The following SLC17A8 variants were observed in gnomAD, a reference collection of about 807,000 sequenced individuals.
The protein encoded by SLC17A8 is vesicular glutamate transporter 3.
In SLC17A8, 31 loss-of-function variants were observed where a neutral mutation model predicts 58.0. That is an observed-to-expected ratio of 0.53 (90% CI 0.40 to 0.72). The LOEUF (loss-of-function observed/expected upper bound fraction) is 0.72. SLC17A8 is among the 30% of genes least tolerant of loss of function. The pLI, the probability that SLC17A8 is intolerant of heterozygous loss-of-function variation, is 0.00. For synonymous variants in SLC17A8, 228 were observed against 249.0 expected, an observed-to-expected ratio of 0.92 and a Z score of 0.79; for missense variants, 655 against 727.8, an observed-to-expected ratio of 0.90 and a Z score of 1.15.
At chr12:100,381,804 A>G (rs1952639906) in intron 2 of SLC17A8, among the ~76,000 whole-genome samples, 1 of 152,212 alleles carries the variant, frequency 6.6e-6, no homozygotes, top group Non-Finnish European at 1.5e-5. Context: ...ATAGAAACAT[A>G]TGGGCTTCTT....
chr12:100,365,062 G>A (rs1221984669), intron 1 of SLC17A8, among the ~76,000 whole-genome samples: 2 of 152,188 alleles, frequency 1.3e-5, no homozygotes, highest in African/African-American at 4.8e-5. Context: ...TGGCCCCTCT[G>A]ACATGGGATT....
At chr12:100,416,773 A>G (rs1359536051) in intron 10 of SLC17A8, among the ~76,000 whole-genome samples, 1 of 152,222 alleles carries the variant, frequency 6.6e-6, no homozygotes, top group Non-Finnish European at 1.5e-5. Context: ...TTACACGTCT[A>G]TGCACCATGT....
chr12:100,401,704 ATATGAATTCTAAATG>A, intron 5 of SLC17A8, 58 bp from the exon 6 acceptor site: 1 of 1,209,300 alleles, frequency 8.3e-7, no homozygotes, highest in South Asian at 1.2e-5. Flanking sequence ...TGACTTTACC[ATATGAATTCTAAATG>A]AGCTGAAAAG....
At chr12:100,405,523 A>G (rs934634904) in intron 9 of SLC17A8, among the ~76,000 whole-genome samples, 3 of 152,084 alleles carry the variant, frequency 2.0e-5, no homozygotes, top group African/African-American at 7.2e-5. Context: ...AGAAGATGTG[A>G]TGGTGGAGGC....
At chr12:100,381,120 T>C (rs1470145415) in intron 2 of SLC17A8, among the ~76,000 whole-genome samples, 167 bp downstream of exon 2, 1 of 134,906 alleles carries the variant, frequency 7.4e-6, no homozygotes, top group Non-Finnish European at 1.5e-5. Context: ...CTCAGATAAG[T>C]AGCTCCTCCC....
intron 2 of SLC17A8, among the ~76,000 whole-genome samples, chr12:100,383,469 G>A (rs1952650954): frequency 6.6e-6 from 1 of 152,180 alleles, no homozygotes; most frequent in South Asian, 2.1e-4. Flanking sequence ...GATATCAAGT[G>A]AGCATGTTCA....
At chr12:100,369,006 C>G (rs901159599) in intron 1 of SLC17A8, among the ~76,000 whole-genome samples, 10 of 152,328 alleles carry the variant, frequency 6.6e-5, no homozygotes, top group Admixed American at 4.6e-4. Flanking sequence ...GGGGCAATGG[C>G]TCATCCCTGT....
chr12:100,419,501 C>A (rs1276551699), intron 11 of SLC17A8, among the ~76,000 whole-genome samples: 1 of 149,670 alleles, frequency 6.7e-6, no homozygotes, highest in African/African-American at 2.5e-5. Flanking sequence ...CCACTGCACT[C>A]TAGCCTGGGT....
intron 1 of SLC17A8, among the ~76,000 whole-genome samples, chr12:100,367,219 A>G (rs1952525990): frequency 6.6e-6 from 1 of 152,218 alleles, no homozygotes; most frequent in Admixed American, 6.5e-5. Flanking sequence ...TTTAAAGAAA[A>G]TAAGTTAAAG....
Position 100,380,953 on chromosome 12 carries a change from G to A in SLC17A8, c.354G>A (p.Gln118=), listed in dbSNP as rs776929603. 3 of 1,613,878 alleles carry A rather than the reference G, an allele frequency of 1.9e-6. No individual in the cohort carries two copies. Among genetic ancestry groups the A allele is most frequent in the Non-Finnish European group, 2.5e-6 (3 of 1,180,046 alleles). The change falls in exon 2 of 12, where the codon CAG becomes CAA. Residue 118 remains glutamine (Q), a splice_region_variant and synonymous_variant. Coordinates refer to ENST00000323346, the MANE Select transcript of SLC17A8 (RefSeq NM_139319.3). ...ATGTTGATGGAAAACCGGAAATTCA[G>A]GTTGGTATCAGTCCATGGTGGAAGA... The part of the protein sequence containing the change: ...TVYVDGKPEI[Q]TAQFNWDPET...
intron 8 of SLC17A8, among the ~76,000 whole-genome samples, chr12:100,403,477 AAAG>A (rs1324622605): frequency 3.5e-4 from 53 of 152,140 alleles, no homozygotes; most frequent in African/African-American, 1.0e-3. Flanking sequence ...TAAAAAAAAA[AAAG>A]AAGAAGAAAA....
chr12:100,397,622 C>G (rs1402401859), intron 5 of SLC17A8, among the ~76,000 whole-genome samples: 3 of 152,002 alleles, frequency 2.0e-5, no homozygotes, highest in Non-Finnish European at 4.4e-5. Context: ...GTAAATGTGT[C>G]GGGGGAAGGG....
intron 9 of SLC17A8, among the ~76,000 whole-genome samples, chr12:100,408,079 A>C (rs1174607018): frequency 1.3e-5 from 2 of 152,198 alleles, no homozygotes; most frequent in African/African-American, 2.4e-5. Context: ...TTGATTTGGA[A>C]ATGATGAAGC....
chr12:100,395,501 T>C (rs1593000246), intron 4 of SLC17A8, among the ~76,000 whole-genome samples: 2 of 152,226 alleles, frequency 1.3e-5, no homozygotes, highest in East Asian at 3.9e-4. Context: ...AATTTTTGTA[T>C]TTTTGGTAGA....
intron 1 of SLC17A8, among the ~76,000 whole-genome samples, chr12:100,379,871 TC>T (rs1952621331): frequency 6.6e-6 from 1 of 152,050 alleles, no homozygotes; most frequent in Non-Finnish European, 1.5e-5. Context: ...ATAGAAAATG[TC>T]CCTCTCCACC....
At position 100,421,239 on chromosome 12, in the gene SLC17A8, T is replaced by C. The variant is rs148050995; in HGVS notation, c.*1080T>C. ...TAGGTAAAGTTCTTCTGAAAGAATT[T>C]TCTATTTTTAAAAAATGTATCTCTT... On this transcript the variant is annotated 3_prime_UTR_variant, in exon 12 of 12. Transcript: ENST00000323346. The C allele has an allele frequency of 2.6e-3, 401 of 152,320 alleles. 3 individuals carry two copies. The highest frequency in any genetic ancestry group is 9.0e-3 in the African/African-American group (375 of 41,590). The allele number at this position is 152,320 out of a possible 1,614,324, so 9.4% of individuals were successfully genotyped here. A position where few individuals can be genotyped will look rare whatever the true frequency, so the allele number is the denominator to read the frequency against.
intron 1 of SLC17A8, among the ~76,000 whole-genome samples, chr12:100,362,746 C>G (rs1053511185): frequency 2.0e-5 from 3 of 152,120 alleles, no homozygotes; most frequent in African/African-American, 7.2e-5. Context: ...TCCTGAGGAG[C>G]CTTCCAAAGA....
rs761820163 is a variant in SLC17A8 at position 100,420,192 on chromosome 12, T to C, written c.*33T>C. On this transcript the variant is annotated 3_prime_UTR_variant, in exon 12 of 12. Transcript: ENST00000323346. ...GAGGCACTTCTGTCTTCTCCTTACTTTAGAAACAGAAAGTATCCATACCTA... is the reference window on the plus strand; with the variant it reads ...GAGGCACTTCTGTCTTCTCCTTACTCTAGAAACAGAAAGTATCCATACCTA... 2.6e-6 allele frequency: 4 copies of C among 1,564,910 alleles called. No individual in the cohort carries two copies. The South Asian group carries it at 3.5e-5, about 14-fold the overall frequency.
intron 9 of SLC17A8, among the ~76,000 whole-genome samples, chr12:100,411,576 G>A (rs745594419): frequency 6.0e-5 from 9 of 150,674 alleles, no homozygotes; most frequent in Non-Finnish European, 1.3e-4. Context: ...ATTGTGTGGA[G>A]ATGTCTGGAA....
Sources: gnomAD v4.1 joint callset for allele counts (sites outside exome capture counted in the v4.1 genomes callset) on GRCh38, gnomAD v4.1.1 for gene constraint, MANE v1.5 for transcripts, NCBI Gene and HGNC (gene_info 2026-07-23, HGNC 2026-07-21) for gene names.